Variants in CHST8 observed in about 807,000 individuals in gnomAD.
CHST8 encodes carbohydrate sulfotransferase 8, also known as GALNAC-4-ST1.
In CHST8, 10 loss-of-function variants were observed where a neutral mutation model predicts 15.0. That is an observed-to-expected ratio of 0.67 (90% CI 0.41 to 1.13). CHST8 has a LOEUF of 1.13. Ranked by LOEUF, CHST8 falls within the 50% of genes most tolerant of loss-of-function variation. The probability of loss-of-function intolerance (pLI) is 0.00; values close to 1 mark genes in which losing one functional copy is unlikely to be tolerated. For missense variants in CHST8, 634 were observed against 608.2 expected (o/e 1.04, Z -0.45); for synonymous variants, 259 against 256.6 (o/e 1.01, Z -0.09).
At chr19:33,728,432 G>C (rs1973941077) in intron 3 of CHST8, among the ~76,000 whole-genome samples, 1 of 152,214 alleles carries the variant, frequency 6.6e-6, no homozygotes, top group Non-Finnish European at 1.5e-5. Flanking sequence ...CCTCAACAGT[G>C]ATGTCTTTCA....
At chr19:33,683,000 C>T (rs955810282) in intron 2 of CHST8, among the ~76,000 whole-genome samples, 10 of 152,132 alleles carry the variant, frequency 6.6e-5, no homozygotes, top group African/African-American at 2.4e-4. Context: ...TGGGAGGAGG[C>T]CGGTCACATG....
intron 3 of CHST8, among the ~76,000 whole-genome samples, chr19:33,767,966 C>A (rs1432106983): frequency 6.6e-6 from 1 of 152,160 alleles, no homozygotes; most frequent in African/African-American, 2.4e-5. Context: ...TAAGTGCCCC[C>A]CACGGCACTG....
At chr19:33,670,839 G>A (rs1972727814) in intron 2 of CHST8, among the ~76,000 whole-genome samples, 1 of 152,162 alleles carries the variant, frequency 6.6e-6, no homozygotes, top group Admixed American at 6.5e-5. Flanking sequence ...TGTATGCCAG[G>A]CACTGCTCCC....
chr19:33,762,423 T>C (rs1169193786), intron 3 of CHST8, among the ~76,000 whole-genome samples: 1 of 152,226 alleles, frequency 6.6e-6, no homozygotes, highest in Non-Finnish European at 1.5e-5. Context: ...CGACCAAGGC[T>C]GAGCTGACAG....
chr19:33,657,221 G>A (rs184424474), intron 1 of CHST8, among the ~76,000 whole-genome samples: 155 of 143,058 alleles, frequency 1.1e-3, no homozygotes, highest in Middle Eastern at 3.7e-3. Context: ...AAACACACAC[G>A]CATATACACA....
At chr19:33,666,767 A>G (rs1386681647) in intron 1 of CHST8, among the ~76,000 whole-genome samples, 1 of 151,750 alleles carries the variant, frequency 6.6e-6, no homozygotes, top group Non-Finnish European at 1.5e-5. Context: ...CAGTGGTGTG[A>G]TCTTGGCTCA....
chr19:33,771,264 C>A, intron 3 of CHST8, 149 bp from the exon 4 acceptor site: 1 of 761,038 alleles, frequency 1.3e-6, no homozygotes, highest in Non-Finnish European at 2.3e-6. Flanking sequence ...GGGGCTCCAG[C>A]ACTGAGCCAT....
rs1973052150 is a variant in CHST8 at position 33,689,359 on chromosome 19, AC to A, written c.101del (p.Pro34LeufsTer12). On this transcript the variant is annotated frameshift_variant, in exon 3 of 5. Coordinates refer to ENST00000650847, the MANE Select transcript of CHST8 (RefSeq NM_001127895.2). LOFTEE classifies it high-confidence loss of function. ...CTCCTCCTCTTCATCAGCCTGCAGG[AC>A]CCTACGGAGCTCGCCCCCCAGCAGG... Reference protein sequence around the residue: ...AGLLLFISLQDPTELAPQQVP... With the variant: ...AGLLLFISLQXPTELAPQQVP... The A allele has an allele frequency of 6.2e-7, 1 of 1,606,498 alleles. No homozygotes were observed. Among genetic ancestry groups the A allele is most frequent in the African/African-American group, 1.3e-5 (1 of 74,788 alleles).
chr19:33,715,785 G>C (rs1973655154), intron 3 of CHST8, among the ~76,000 whole-genome samples: 1 of 152,142 alleles, frequency 6.6e-6, no homozygotes, highest in South Asian at 2.1e-4. Flanking sequence ...TCATCCATCT[G>C]TTTATCCAGT....
At chr19:33,641,412 C>A (rs761678095) in intron 1 of CHST8, among the ~76,000 whole-genome samples, 1 of 152,186 alleles carries the variant, frequency 6.6e-6, no homozygotes, top group Non-Finnish European at 1.5e-5. Context: ...TCCGCCCCAC[C>A]ACCCCCTGGG....
At chr19:33,684,413 A>T (rs1600260513) in intron 2 of CHST8, 2 of 152,502 alleles carry the variant, frequency 1.3e-5, no homozygotes, top group East Asian at 1.9e-4. Context: ...GCTCCCCAGC[A>T]GCAGGGCAGG....
intron 3 of CHST8, among the ~76,000 whole-genome samples, chr19:33,700,133 A>G (rs138069065): frequency 4.5e-4 from 69 of 152,206 alleles, no homozygotes; most frequent in African/African-American, 1.4e-3. Context: ...TCCAGTTTCC[A>G]TGGAGCCGGC....
chr19:33,644,335 G>A (rs1461224246), intron 1 of CHST8, among the ~76,000 whole-genome samples: 6 of 152,162 alleles, frequency 3.9e-5, no homozygotes, highest in Admixed American at 1.3e-4. Flanking sequence ...GTCAGGTACT[G>A]TTCTAGGCAC....
At chr19:33,653,849 T>C (rs930835206) in intron 1 of CHST8, among the ~76,000 whole-genome samples, 1 of 152,226 alleles carries the variant, frequency 6.6e-6, no homozygotes, top group Non-Finnish European at 1.5e-5. Flanking sequence ...CCTTGGTGAT[T>C]AATGTTCTCT....
At chr19:33,646,702 C>T (rs988833399) in intron 1 of CHST8, among the ~76,000 whole-genome samples, 29 of 152,138 alleles carry the variant, frequency 1.9e-4, no homozygotes, top group Non-Finnish European at 4.0e-4. Flanking sequence ...TCAGTTGAGG[C>T]CAGGAGTTTG....
intron 1 of CHST8, among the ~76,000 whole-genome samples, chr19:33,637,029 A>G (rs930376180): frequency 2.6e-5 from 4 of 152,186 alleles, no homozygotes; most frequent in Admixed American, 6.5e-5. Context: ...TGGATTGTTC[A>G]TGCCTCCCCT....
intron 3 of CHST8, among the ~76,000 whole-genome samples, chr19:33,746,779 G>T (rs529796603): frequency 6.6e-6 from 1 of 152,062 alleles, no homozygotes; most frequent in Non-Finnish European, 1.5e-5. Context: ...CCTAACAAAA[G>T]ACCCTAGAAA....
At chr19:33,705,691 T>C (rs2192629) in intron 3 of CHST8, among the ~76,000 whole-genome samples, 2 of 152,092 alleles carry the variant, frequency 1.3e-5, no homozygotes, top group Non-Finnish European at 2.9e-5. Context: ...GTGGCAGGCA[T>C]GGCCACCCTG....
At chr19:33,644,214 T>C (rs1380482710) in intron 1 of CHST8, among the ~76,000 whole-genome samples, 2 of 152,178 alleles carry the variant, frequency 1.3e-5, no homozygotes, top group Non-Finnish European at 2.9e-5. Context: ...ATTACAGGCA[T>C]GAGCCAGTGT....
Sources: allele counts gnomAD v4.1 joint callset (sites outside exome capture counted in the v4.1 genomes callset), GRCh38; gene constraint gnomAD v4.1.1; transcripts MANE v1.5; gene names NCBI Gene and HGNC (gene_info 2026-07-23, HGNC 2026-07-21).